The following ABI3BP variants were observed in gnomAD, a reference collection of about 807,000 sequenced individuals.
ABI3BP encodes ABI family member 3 binding protein.
In ABI3BP, 216 loss-of-function variants were observed where a neutral mutation model predicts 268.6. The observed-to-expected ratio is 0.80, with a 90% CI of 0.72 to 0.90. The LOEUF is 0.90. ABI3BP is among the 40% of genes least tolerant of loss of function. ABI3BP has a pLI of 0.00. For missense variants in ABI3BP, 2,090 were observed against 2,182.4 expected (o/e 0.96, Z 0.84); for synonymous variants, 730 against 730.0 (o/e 1.00, Z 0.00).
Position 100,932,511 on chromosome 3 carries a change from T to C in ABI3BP, c.80-6030A>G, listed in dbSNP as rs377252064. Among the ~76,000 whole-genome samples, 50 of 150,908 alleles carry C rather than the reference T, an allele frequency of 3.3e-4. No individual in the cohort carries two copies. The East Asian group carries it at 5.1e-3, about 15-fold the overall frequency. On this transcript the variant is annotated intron_variant, in intron 1 of 67. Coordinates refer to ENST00000471714, the MANE Select transcript of ABI3BP (RefSeq NM_001375547.2). ...CAAATCAACAAGCAGAAAAACCAAA[T>C]AACCCCATTTTAAAAAATAGGCAAA... is the stretch of plus-strand genomic sequence containing the variant.
chr3:100,829,630 A>T lies in ABI3BP; in HGVS notation c.2493T>A (p.His831Gln), dbSNP rs2098449849. 1 of 1,535,604 alleles carries T rather than the reference A, an allele frequency of 6.5e-7. No homozygotes were observed. The highest frequency in any genetic ancestry group is 2.0e-5 in the Admixed American group (1 of 50,942). ...GACTCAGTGTGGTTTTAGGTTTGGG[A>T]TGTGGACGATGAGTTCGTTGAGGCA... ...PKVPQRTHRP[H>Q]PKPKTTLSPE... The change falls in exon 33 of 68, where the codon CAT becomes CAA. Residue 831 changes from histidine to glutamine, a missense_variant. By Grantham distance (24) the His-to-Gln change is conservative (BLOSUM62 0). Coordinates refer to ENST00000471714, the MANE Select transcript of ABI3BP (RefSeq NM_001375547.2).
At chr3:100,894,094 A>G (rs1166379363) in intron 4 of ABI3BP, among the ~76,000 whole-genome samples, 9 of 152,144 alleles carry the variant, frequency 5.9e-5, no homozygotes, top group African/African-American at 2.2e-4. Flanking sequence ...TTGGATTGGG[A>G]ACATTAGTGT....
intron 57 of ABI3BP, among the ~76,000 whole-genome samples, chr3:100,786,033 T>A (rs1016552266): frequency 2.9e-5 from 4 of 140,086 alleles, no homozygotes; most frequent in Non-Finnish European, 3.2e-5. Flanking sequence ...GGAGATGTAC[T>A]GCCCAGATCT....
chr3:100,950,105 A>G (rs2074287593), intron 1 of ABI3BP, among the ~76,000 whole-genome samples: 1 of 152,122 alleles, frequency 6.6e-6, no homozygotes, highest in Admixed American at 6.5e-5. Flanking sequence ...TTTTCATTTC[A>G]GTGTACTTTG....
chr3:100,778,605 T>A, intron 58 of ABI3BP: 1 of 501,072 alleles, frequency 2.0e-6, no homozygotes, highest in Non-Finnish European at 3.5e-6. Flanking sequence ...AGAAAACATG[T>A]CCTCATTATA....
At chr3:100,943,031 C>T (rs1322626355) in intron 1 of ABI3BP, among the ~76,000 whole-genome samples, 3 of 152,002 alleles carry the variant, frequency 2.0e-5, no homozygotes, top group African/African-American at 7.2e-5. Context: ...TTTCTGGAGA[C>T]ACATAAGGTA....
Position 100,817,481 on chromosome 3 carries a change from G to A in ABI3BP, c.3103C>T (p.Leu1035Phe). The A allele has an allele frequency of 6.6e-7, 1 of 1,504,768 alleles. No homozygotes were observed. Among genetic ancestry groups the A allele is most frequent in the Non-Finnish European group, 8.9e-7 (1 of 1,126,604 alleles). 93.2% of individuals were successfully genotyped at this position (1,504,768 alleles called of 1,614,324 possible). A position where few individuals can be genotyped will look rare whatever the true frequency, so the allele number is the denominator to read the frequency against. Residue 1035 changes from leucine (L) to phenylalanine (F), a missense_variant, in exon 42 of 68, where the codon CTT (leucine) becomes TTT (phenylalanine). By Grantham distance (22) the Leu-to-Phe change is conservative. Coordinates refer to ENST00000471714, the MANE Select transcript of ABI3BP (RefSeq NM_001375547.2). Reference protein sequence around the residue: ...APKTMVVTTVLEPDTFRTKFP... With the variant: ...APKTMVVTTVFEPDTFRTKFP... ...TTGGTTCTAAAAGTGTCAGGTTCAA[G>A]GACTGTAGTAACAACTAGACAAAAA... is the stretch of plus-strand genomic sequence containing the variant.
intron 23 of ABI3BP, 69 bp from the exon 24 acceptor site, chr3:100,839,685 C>T (rs932972301): frequency 4.8e-6 from 7 of 1,461,652 alleles, no homozygotes; most frequent in African/African-American, 1.4e-5. Flanking sequence ...AGACATTATG[C>T]CTCAAGCTGG....
At chr3:100,865,474 A>G (rs1458443278) in intron 10 of ABI3BP, among the ~76,000 whole-genome samples, 1 of 152,192 alleles carries the variant, frequency 6.6e-6, no homozygotes, top group African/African-American at 2.4e-5. Flanking sequence ...TTTGTCCCAA[A>G]TGCTAGATTA....
rs1312317286 is a variant in ABI3BP, at chr3:100,749,589, T to G, written c.*906A>C. On this transcript the variant is annotated 3_prime_UTR_variant, in exon 68 of 68. Coordinates refer to ENST00000471714, the MANE Select transcript of ABI3BP (RefSeq NM_001375547.2). ...AGTTACAAAGACATTCTCTGATACATTCATTCATAGAGGTCTTAACGTATA... is the reference window on the plus strand; with the variant it reads ...AGTTACAAAGACATTCTCTGATACAGTCATTCATAGAGGTCTTAACGTATA... The G allele has an allele frequency of 5.0e-6, 2 of 398,072 alleles. No individual in the cohort carries two copies. The highest frequency in any genetic ancestry group is 8.9e-6 in the Non-Finnish European group (2 of 225,564). The allele number at this position is 398,072 out of a possible 1,614,324, so 24.7% of individuals were successfully genotyped here.
At chr3:100,764,667 T>C (rs2096177232) in intron 63 of ABI3BP, among the ~76,000 whole-genome samples, 1 of 152,208 alleles carries the variant, frequency 6.6e-6, no homozygotes, top group African/African-American at 2.4e-5. Flanking sequence ...AAGCCAACTT[T>C]CATAAGCACA....
chr3:100,811,360 T>A, intron 47 of ABI3BP, 83 bp from the exon 48 acceptor site: 1 of 1,030,138 alleles, frequency 9.7e-7, no homozygotes, highest in Non-Finnish European at 1.4e-6. Flanking sequence ...ATTTTATTAA[T>A]AATTTGCATC....
At chr3:100,830,432 A>G (rs2098471533) in intron 32 of ABI3BP, 146 bp downstream of exon 32, 1 of 569,174 alleles carries the variant, frequency 1.8e-6, no homozygotes, top group African/African-American at 1.9e-5. Context: ...AATTGTTTTA[A>G]TACTCTTATA....
At chr3:100,966,832 C>T (rs1296108549) in intron 1 of ABI3BP, among the ~76,000 whole-genome samples, 2 of 152,148 alleles carry the variant, frequency 1.3e-5, no homozygotes, top group Non-Finnish European at 2.9e-5. Flanking sequence ...TAGGAGACTA[C>T]ATGCTACATC....
intron 14 of ABI3BP, among the ~76,000 whole-genome samples, chr3:100,858,537 T>A (rs1580791071): frequency 6.6e-6 from 1 of 152,258 alleles, no homozygotes; most frequent in East Asian, 1.9e-4. Flanking sequence ...TACAGAAATC[T>A]TTTTGAGTAC....
At chr3:100,936,764 T>C (rs1449161648) in intron 1 of ABI3BP, among the ~76,000 whole-genome samples, 2 of 152,210 alleles carry the variant, frequency 1.3e-5, no homozygotes, top group African/African-American at 2.4e-5. Flanking sequence ...TTTATTTGCA[T>C]AGAGGTGTTT....
intron 63 of ABI3BP, among the ~76,000 whole-genome samples, chr3:100,763,463 C>CAAAAAAAAAAAAAAA (rs1418781949): frequency 9.1e-6 from 1 of 109,322 alleles, no homozygotes. Context: ...GACTCTGTCT[C>CAAAAAAAAAAAAAAA]AAAAAAAAAA....
At chr3:100,850,844 C>T (rs534439990) in intron 15 of ABI3BP, 110 bp from the exon 16 acceptor site, 1 of 772,232 alleles carries the variant, frequency 1.3e-6, no homozygotes, top group Non-Finnish European at 2.1e-6. Context: ...ATCAAGAATA[C>T]TTGAGGGCTT....
intron 4 of ABI3BP, among the ~76,000 whole-genome samples, chr3:100,887,398 A>G (rs2042483257): frequency 6.6e-6 from 1 of 152,080 alleles, no homozygotes; most frequent in Middle Eastern, 3.2e-3. Flanking sequence ...ATATGTTACC[A>G]AATATTATTC....
Sources: gnomAD v4.1 joint callset for allele counts (sites outside exome capture counted in the v4.1 genomes callset) on GRCh38, gnomAD v4.1.1 for gene constraint, MANE v1.5 for transcripts, NCBI Gene and HGNC (gene_info 2026-07-23, HGNC 2026-07-21) for gene names.